The following SSH2 variants were observed in gnomAD, a reference collection of about 807,000 sequenced individuals.
SSH2 encodes the protein slingshot protein phosphatase 2.
A neutral mutation model predicts 135.2 loss-of-function variants in SSH2; 37 were observed. The ratio of observed to expected loss-of-function variants is 0.27; its 90% CI spans 0.21 to 0.36. The LOEUF (loss-of-function observed/expected upper bound fraction) is 0.36, where lower values mean the gene tolerates loss of function less well. Ranked by LOEUF, SSH2 falls within the 10% of genes least tolerant of loss-of-function variation. SSH2 has a pLI of 1.00. For synonymous variants in SSH2, 628 were observed against 646.2 expected (o/e 0.97, Z 0.43); for missense variants, 1,408 against 1,765.3 (o/e 0.80, Z 3.63).
intron 3 of SSH2, among the ~76,000 whole-genome samples, chr17:29,724,276 C>A (rs1329998869): frequency 6.6e-6 from 1 of 152,170 alleles, no homozygotes; most frequent in Admixed American, 6.5e-5. Context: ...CACCTGTAAT[C>A]CCAGCACTTC....
At chr17:29,674,068 A>G (rs1264343714) in intron 8 of SSH2, 1 of 456,714 alleles carries the variant, frequency 2.2e-6, no homozygotes, top group Non-Finnish European at 4.4e-6. Context: ...ATGATAAGGC[A>G]TATTGGCAAA....
intron 3 of SSH2, among the ~76,000 whole-genome samples, chr17:29,727,118 T>C (rs942932069): frequency 1.3e-5 from 2 of 152,242 alleles, no homozygotes; most frequent in African/African-American, 4.8e-5. Context: ...AAGGACTTCC[T>C]TCCTTATCCC....
intron 3 of SSH2, among the ~76,000 whole-genome samples, chr17:29,718,261 C>A (rs1023743550): frequency 1.3e-5 from 2 of 152,098 alleles, no homozygotes; most frequent in African/African-American, 4.8e-5. Context: ...TTGTCAACTT[C>A]TTAAATAGGA....
intron 3 of SSH2, among the ~76,000 whole-genome samples, chr17:29,742,809 T>C (rs991125342): frequency 1.3e-5 from 2 of 150,792 alleles, no homozygotes; most frequent in African/African-American, 2.4e-5. Flanking sequence ...AATTTTTGTA[T>C]TTTTTAGTAG....
intron 11 of SSH2, among the ~76,000 whole-genome samples, chr17:29,662,560 T>C (rs1430417103): frequency 6.6e-6 from 1 of 152,212 alleles, no homozygotes; most frequent in Non-Finnish European, 1.5e-5. Flanking sequence ...AAATAATCCT[T>C]TCTATTACTG....
At chr17:29,813,371 ACT>A (rs1209606336) in intron 2 of SSH2, among the ~76,000 whole-genome samples, 1 of 151,370 alleles carries the variant, frequency 6.6e-6, no homozygotes, top group African/African-American at 2.4e-5. Context: ...GGTGAGTGAG[ACT>A]CTGTAAAAAA....
At chr17:29,648,490 C>T (rs2036465736) in intron 13 of SSH2, 146 bp from the exon 14 acceptor site, 1 of 627,924 alleles carries the variant, frequency 1.6e-6, no homozygotes, top group South Asian at 2.2e-5. Flanking sequence ...CACTCATATA[C>T]ATTTATAATC....
intron 3 of SSH2, among the ~76,000 whole-genome samples, chr17:29,723,805 C>A (rs1460210305): frequency 6.6e-6 from 1 of 152,106 alleles, no homozygotes. Flanking sequence ...TTGTTTGCAG[C>A]CTTTAATCAG....
At chr17:29,777,038 C>G (rs950664145) in intron 3 of SSH2, among the ~76,000 whole-genome samples, 1 of 151,988 alleles carries the variant, frequency 6.6e-6, no homozygotes, top group Non-Finnish European at 1.5e-5. Context: ...ATGGTGAAAC[C>G]TTGTCTCTAC....
chr17:29,781,482 T>TC (rs2151289015), intron 3 of SSH2, among the ~76,000 whole-genome samples: 1 of 140,990 alleles, frequency 7.1e-6, no homozygotes, highest in East Asian at 2.0e-4. Flanking sequence ...TCTTTTTTTT[T>TC]TTTTTTTTTT....
At position 29,636,143 on chromosome 17, in the gene SSH2, C is replaced by T. The variant is rs762841103; in HGVS notation, c.2087G>A (p.Arg696Gln). 18 of 1,614,028 alleles carry T rather than the reference C, an allele frequency of 1.1e-5. No individual in the cohort carries two copies. Among genetic ancestry groups the T allele is most frequent in the African/African-American group, 8.0e-5 (6 of 74,908 alleles). ...FVELSQETRS[R>Q]SFSHSRMEEL... ...CTCCATCCTTGAATGGGAAAAAGAT[C>T]GTGACCGGGTTTCTTGGGAGAGCTC... Residue 696 changes from arginine (R) to glutamine (Q), a missense_variant, in exon 15 of 16, where the codon CGA becomes CAA. By Grantham distance (43) the Arg-to-Gln change is conservative. This residue lies in a region of SSH2 where 1,080 missense variants were observed against 1,144.5 expected (regional missense o/e 0.94). Transcript: ENST00000540801.
At chr17:29,926,087 C>T (rs916284745) in intron 1 of SSH2, among the ~76,000 whole-genome samples, 2 of 152,126 alleles carry the variant, frequency 1.3e-5, no homozygotes, top group African/African-American at 4.8e-5. Flanking sequence ...TTTTCCACAA[C>T]CCCTCACATC....
intron 3 of SSH2, among the ~76,000 whole-genome samples, chr17:29,739,388 C>T (rs2040482443): frequency 1.3e-5 from 2 of 152,140 alleles, no homozygotes; most frequent in African/African-American, 4.8e-5. Flanking sequence ...TTTCACTTTG[C>T]ACCAGGCCCT....
intron 1 of SSH2, among the ~76,000 whole-genome samples, chr17:29,886,454 G>A (rs2066239057): frequency 6.6e-6 from 1 of 151,920 alleles, no homozygotes; most frequent in South Asian, 2.1e-4. Context: ...GCGCATAAAA[G>A]TTTGGAAAAT....
chr17:29,675,701 T>G (rs2037681691), intron 8 of SSH2: 2 of 152,434 alleles, frequency 1.3e-5, no homozygotes, highest in African/African-American at 4.8e-5. Context: ...CTTAGGAGGC[T>G]GAGGTAGGAA....
Position 29,643,067 on chromosome 17 carries a change from G to C in SSH2, c.1427+5077C>G, listed in dbSNP as rs1293924408. ...AATGGACTTTCTCTGCAAACAATGA[G>C]AGATTTTTCTAAGGATTTTCCTCTC... is the stretch of plus-strand genomic sequence containing the variant. On this transcript the variant is annotated intron_variant, in intron 14 of 15. Coordinates refer to ENST00000540801, the MANE Select transcript of SSH2 (RefSeq NM_001282129.2). The C allele has an allele frequency of 3.3e-6, 3 of 920,942 alleles. No homozygotes were observed. In the East Asian group the frequency reaches 3.5e-4, roughly 108 times the overall value. 57.0% of individuals were successfully genotyped at this position (920,942 alleles called of 1,614,324 possible).
chr17:29,751,548 G>A (rs1444712559), intron 3 of SSH2, among the ~76,000 whole-genome samples: 1 of 152,086 alleles, frequency 6.6e-6, no homozygotes. Flanking sequence ...ATAACTGTAT[G>A]CACTATATTT....
intron 1 of SSH2, among the ~76,000 whole-genome samples, chr17:29,885,144 T>G (rs1252527656): frequency 6.6e-6 from 1 of 152,178 alleles, no homozygotes; most frequent in Admixed American, 6.5e-5. Flanking sequence ...ACCTCCCTTT[T>G]TCTCCCATCA....
intron 1 of SSH2, among the ~76,000 whole-genome samples, chr17:29,908,500 C>A (rs2066697805): frequency 6.6e-6 from 1 of 151,914 alleles, no homozygotes; most frequent in African/African-American, 2.4e-5. Context: ...CGCAGTGGCT[C>A]ATGCCTGTAA....
Sources: gnomAD v4.1 joint callset for allele counts (sites outside exome capture counted in the v4.1 genomes callset) on GRCh38, gnomAD v4.1.1 for gene constraint, gnomAD v4.1.1 regional missense constraint, MANE v1.5 for transcripts, NCBI Gene and HGNC (gene_info 2026-07-23, HGNC 2026-07-21) for gene names.